Variants in POLDIP3 observed in about 807,000 individuals in gnomAD.
POLDIP3 encodes DNA polymerase delta interacting protein 3.
In POLDIP3, 14 loss-of-function variants were observed where a neutral mutation model predicts 45.1. The ratio of observed to expected loss-of-function variants is 0.31; its 90% CI spans 0.20 to 0.49. The LOEUF (loss-of-function observed/expected upper bound fraction) is 0.49. POLDIP3 is among the 20% of genes least tolerant of loss of function. The pLI is 0.99. For missense variants in POLDIP3, 511 were observed against 538.8 expected (o/e 0.95, Z 0.51); for synonymous variants, 223 against 205.2 (o/e 1.09, Z -0.74).
At chr22:42,586,745 A>G (rs1925338189) in intron 8 of POLDIP3, among the ~76,000 whole-genome samples, 1 of 152,140 alleles carries the variant, frequency 6.6e-6, no homozygotes, top group Admixed American at 6.5e-5. Context: ...CTCAAAGTCT[A>G]TTTCAGCCCT....
intron 6 of POLDIP3, 69 bp from the exon 7 acceptor site, chr22:42,592,153 G>A (rs574475359): frequency 6.3e-7 from 1 of 1,595,386 alleles, no homozygotes; most frequent in East Asian, 2.2e-5. Flanking sequence ...ACACTCTGAA[G>A]GCCCTGGGGT....
chr22:42,596,422 G>A, intron 4 of POLDIP3, 57 bp from the exon 5 acceptor site: 1 of 1,521,276 alleles, frequency 6.6e-7, no homozygotes, highest in African/African-American at 1.4e-5. Flanking sequence ...TTCTGAAGAA[G>A]CCCCAAGAGG....
At position 42,585,317 on chromosome 22, in the gene POLDIP3, C is replaced by G; in HGVS notation, c.*474G>C. 2.0e-6 allele frequency: 1 copy of G among 500,308 alleles called. No homozygotes were observed. The highest frequency in any genetic ancestry group is 1.5e-5 in the South Asian group (1 of 68,358). 31.0% of individuals were successfully genotyped at this position (500,308 alleles called of 1,614,324 possible). On this transcript the variant is annotated 3_prime_UTR_variant, in exon 9 of 9. Transcript: ENST00000252115. Reference sequence around the variant, plus strand: ...GGAGCGGCACAGCTCTCAGGCCGACCTGGCTCCCGTCAGGACACCAGGGCT... The same window carrying G: ...GGAGCGGCACAGCTCTCAGGCCGACGTGGCTCCCGTCAGGACACCAGGGCT...
At chr22:42,595,466 G>T in intron 6 of POLDIP3, 71 bp downstream of exon 6, 2 of 1,369,284 alleles carry the variant, frequency 1.5e-6, no homozygotes, top group Non-Finnish European at 2.1e-6. Context: ...CAAACCTGAG[G>T]GTGGGTCTTA....
rs543489461 is a variant in POLDIP3, at chr22:42,604,598, C to T, written c.60-1438G>A. ...CCTGGACCTCCCAGGAGGCATCTCT[C>T]ATACTGGGTCAGTCACTGGCACTCT... is the stretch of plus-strand genomic sequence containing the variant. On this transcript the variant is annotated intron_variant, in intron 1 of 8. Transcript: ENST00000252115. 3.9e-5 allele frequency among the ~76,000 whole-genome samples: 6 copies of T among 152,286 alleles called. No homozygotes were observed. The South Asian group carries it at 1.2e-3, about 32-fold the overall frequency.
rs529118943 is a variant in POLDIP3 at position 42,592,882 on chromosome 22, C to G, written c.892-798G>C. Among the ~76,000 whole-genome samples, 4 of 152,272 alleles carry G rather than the reference C, an allele frequency of 2.6e-5. No homozygotes were observed. The South Asian group carries it at 8.3e-4, about 32-fold the overall frequency. On this transcript the variant is annotated intron_variant, in intron 6 of 8. Transcript: ENST00000252115. The stretch of plus-strand genomic sequence containing the variant: ...GACTAGCACTCACGCCATTTCTTCA[C>G]CTGCAACTGCCTTCACAAGGTTGCT...
At chr22:42,611,053 G>A (rs763594043) in intron 1 of POLDIP3, among the ~76,000 whole-genome samples, 2 of 152,226 alleles carry the variant, frequency 1.3e-5, no homozygotes, top group Non-Finnish European at 1.5e-5. Context: ...CCTCACCATG[G>A]AGGAAGGTAT....
chr22:42,612,657 C>T (rs1689460642), intron 1 of POLDIP3, among the ~76,000 whole-genome samples: 1 of 152,116 alleles, frequency 6.6e-6, no homozygotes, highest in South Asian at 2.1e-4. Flanking sequence ...AAAACCCCAT[C>T]TCTACTAAAA....
At chr22:42,587,606 T>G in intron 7 of POLDIP3, 34 bp from the exon 8 acceptor site, 1 of 1,586,274 alleles carries the variant, frequency 6.3e-7, no homozygotes, top group African/African-American at 1.3e-5. Flanking sequence ...GGCTCTGCTA[T>G]GAGACCTCGG....
chr22:42,611,564 G>C (rs975793246), intron 1 of POLDIP3, among the ~76,000 whole-genome samples: 10 of 152,178 alleles, frequency 6.6e-5, no homozygotes, highest in African/African-American at 2.4e-4. Context: ...TAAAACCAAA[G>C]TTCCAAGTAC....
intron 6 of POLDIP3, 141 bp from the exon 7 acceptor site, chr22:42,592,225 A>C: frequency 2.4e-6 from 3 of 1,260,930 alleles, no homozygotes; most frequent in Non-Finnish European, 3.3e-6. Context: ...GCTCCACGCG[A>C]GGTGGTGCTC....
intron 8 of POLDIP3, 26 bp downstream of exon 8, chr22:42,587,480 C>T: frequency 6.2e-7 from 1 of 1,603,234 alleles, no homozygotes; most frequent in South Asian, 1.1e-5. Context: ...GCTGCCTCTC[C>T]CCAGCACCCC....
At position 42,602,861 on chromosome 22, in the gene POLDIP3, T is replaced by C; in HGVS notation, c.359A>G (p.Lys120Arg). 1 of 1,613,498 alleles carries C rather than the reference T, an allele frequency of 6.2e-7. No individual in the cohort carries two copies. ...KPRQVADARE[K>R]ISLKRSSPAA... Reference sequence around the variant, plus strand: ...AGGGGAACTCCTCTTCAAGCTGATCTTCTCCCGGGCATCAGCAACCTGGCG... The same window carrying C: ...AGGGGAACTCCTCTTCAAGCTGATCCTCTCCCGGGCATCAGCAACCTGGCG... Residue 120 changes from lysine (K) to arginine (R), a missense_variant, in exon 2 of 9, where the codon AAG becomes AGG. Physicochemically the swap from Lys to Arg is conservative, Grantham distance 26. Transcript: ENST00000252115.
intron 7 of POLDIP3, among the ~76,000 whole-genome samples, chr22:42,591,512 G>A (rs1011968524): frequency 6.6e-6 from 1 of 152,216 alleles, no homozygotes; most frequent in African/African-American, 2.4e-5. Flanking sequence ...TCTACAGGCT[G>A]TCTGGAGATG....
rs1345853450 is a variant in POLDIP3 at position 42,584,652 on chromosome 22, T to A, written c.*1139A>T. ...GTTTCGTCCCAACTGTCTGCGCCTA[T>A]GCTGGGGAAACACCTTGCCTGGTAG... is the stretch of plus-strand genomic sequence containing the variant. On this transcript the variant is annotated 3_prime_UTR_variant, in exon 9 of 9. Transcript: ENST00000252115. 2 of 346,500 alleles carry A rather than the reference T, an allele frequency of 5.8e-6. No individual in the cohort carries two copies. Among genetic ancestry groups the A allele is most frequent in the Non-Finnish European group, 5.6e-6 (1 of 177,552 alleles). 21.5% of individuals were successfully genotyped at this position (346,500 alleles called of 1,614,324 possible).
Position 42,585,941 on chromosome 22 carries a change from T to C in POLDIP3, c.1116A>G (p.Lys372=). The C allele has an allele frequency of 2.5e-6, 4 of 1,613,272 alleles. No individual in the cohort carries two copies. Among genetic ancestry groups the C allele is most frequent in the Non-Finnish European group, 3.4e-6 (4 of 1,179,684 alleles). ...CCCTGCGAGGCAGCTCGCTCTCCTT[T>C]TTCATTGATGGGCTGTCACTCAGCC... The part of the protein sequence containing the change: ...LLRLSDSPSM[K]KESELPRRVN... Residue 372 remains lysine, a synonymous_variant, in exon 9 of 9, where the codon AAA becomes AAG. Transcript: ENST00000252115.
chr22:42,600,369 G>A (rs1393824792), intron 3 of POLDIP3, among the ~76,000 whole-genome samples: 1 of 152,238 alleles, frequency 6.6e-6, no homozygotes, highest in African/African-American at 2.4e-5. Context: ...GCTCAAGCCT[G>A]TCATCCCAGC....
chr22:42,593,350 T>G (rs1291253985), intron 6 of POLDIP3, among the ~76,000 whole-genome samples: 1 of 152,184 alleles, frequency 6.6e-6, no homozygotes, highest in African/African-American at 2.4e-5. Context: ...ATTGCCTATT[T>G]GGGTAGAAGA....
intron 8 of POLDIP3, 69 bp from the exon 9 acceptor site, chr22:42,586,037 T>C: frequency 7.0e-7 from 1 of 1,427,610 alleles, no homozygotes; most frequent in Non-Finnish European, 9.4e-7. Flanking sequence ...GACCCACCAT[T>C]TACTGGGCAT....
Sources: allele counts gnomAD v4.1 joint callset (sites outside exome capture counted in the v4.1 genomes callset), GRCh38; gene constraint gnomAD v4.1.1; transcripts MANE v1.5; gene names NCBI Gene and HGNC (gene_info 2026-07-23, HGNC 2026-07-21).